SMAP2: variants seen among roughly 807,000 people sequenced by gnomAD.
SMAP2 encodes small ArfGAP2, also known as stromal membrane-associated protein 2.
Under a neutral mutation model 56.4 loss-of-function variants are expected in SMAP2, and 25 were observed. The observed-to-expected ratio is 0.44, with a 90% CI of 0.32 to 0.62. SMAP2 has a LOEUF of 0.62. Among genes scored for constraint, SMAP2 ranks in the 20% least tolerant of loss-of-function variants. The pLI is 0.04. For synonymous variants in SMAP2, 157 were observed against 181.7 expected, an observed-to-expected ratio of 0.86 and a Z score of 1.09; for missense variants, 388 against 545.6, an observed-to-expected ratio of 0.71 and a Z score of 2.88.
chr1:40,413,999 T>A (rs896807458), intron 5 of SMAP2, 160 bp from the exon 6 acceptor site: 1 of 631,136 alleles, frequency 1.6e-6, no homozygotes, highest in Non-Finnish European at 2.8e-6. Context: ...GCCTCCTGAC[T>A]TGATTCTTTC....
At chr1:40,407,129 G>C (rs976682372) in intron 2 of SMAP2, among the ~76,000 whole-genome samples, 2 of 152,114 alleles carry the variant, frequency 1.3e-5, no homozygotes, top group African/African-American at 4.8e-5. Flanking sequence ...AGTATTAAGA[G>C]GGATCTTTGG....
intron 1 of SMAP2, among the ~76,000 whole-genome samples, chr1:40,356,416 T>G (rs9725103): frequency 0.17 from 23,092 of 139,754 alleles, 1,935 homozygotes; most frequent in African/African-American, 0.31. Flanking sequence ...TTTTTTTTTG[T>G]TTTTTTTTTT....
chr1:40,378,683 G>A (rs1644564486), intron 1 of SMAP2, among the ~76,000 whole-genome samples: 1 of 152,106 alleles, frequency 6.6e-6, no homozygotes, highest in African/African-American at 2.4e-5. Context: ...AACACCACAT[G>A]AAATTCTAGA....
intron 9 of SMAP2, among the ~76,000 whole-genome samples, chr1:40,421,714 G>A (rs1020493216): frequency 6.6e-6 from 1 of 152,174 alleles, no homozygotes; most frequent in African/African-American, 2.4e-5. Flanking sequence ...CTGATTTTCT[G>A]TCGACTAGAT....
At chr1:40,356,725 T>G (rs1210080060) in intron 1 of SMAP2, among the ~76,000 whole-genome samples, 1 of 152,178 alleles carries the variant, frequency 6.6e-6, no homozygotes, top group Non-Finnish European at 1.5e-5. Context: ...TTTTAGTTTT[T>G]TGAGGAACCT....
chr1:40,388,891 G>A (rs972294482), intron 1 of SMAP2, among the ~76,000 whole-genome samples: 1 of 151,980 alleles, frequency 6.6e-6, no homozygotes, highest in African/African-American at 2.4e-5. Flanking sequence ...TGAAGCCAGC[G>A]AGACCACGAA....
chr1:40,393,318 A>G, intron 1 of SMAP2: 3 of 1,521,968 alleles, frequency 2.0e-6, no homozygotes, highest in Non-Finnish European at 2.6e-6. Context: ...TAGAAGAACA[A>G]ACAAAAAACC....
chr1:40,360,981 A>G (rs1047354673), intron 1 of SMAP2, among the ~76,000 whole-genome samples: 2 of 152,212 alleles, frequency 1.3e-5, no homozygotes, highest in Non-Finnish European at 2.9e-5. Flanking sequence ...GCCAGTGGAC[A>G]TGGGGGGCAC....
At chr1:40,350,560 T>A (rs1324922581) in intron 1 of SMAP2, among the ~76,000 whole-genome samples, 1 of 152,158 alleles carries the variant, frequency 6.6e-6, no homozygotes. Flanking sequence ...AAAACTGAAT[T>A]TGTCTGGTGA....
In SMAP2 at chr1:40,374,072, T is replaced by A. The variant is rs982965251; in HGVS notation, c.-49T>A. 6.8e-7 allele frequency: 1 copy of A among 1,464,534 alleles called. No individual in the cohort carries two copies. Among genetic ancestry groups the A allele is most frequent in the Admixed American group, 1.8e-5 (1 of 54,194 alleles). The allele number at this position is 1,464,534 out of a possible 1,614,324, so 90.7% of individuals were successfully genotyped here. A position where few individuals can be genotyped will look rare whatever the true frequency, so the allele number is the denominator to read the frequency against. On this transcript the variant is annotated 5_prime_UTR_variant, in exon 1 of 10. Transcript: ENST00000372718. This position sits in a 1 kb window ranked among gnomAD's most constrained non-coding sequence, Gnocchi z 5.9. ...AACCCCGGACTGAGGCAGGGGTCTCTGGGGGCGAGGAGGGCGCGTCGCCCT... is the reference window on the plus strand; with the variant it reads ...AACCCCGGACTGAGGCAGGGGTCTCAGGGGGCGAGGAGGGCGCGTCGCCCT...
chr1:40,393,394 G>T (rs115001112), intron 1 of SMAP2: 10 of 1,535,616 alleles, frequency 6.5e-6, no homozygotes, highest in African/African-American at 1.4e-5. Context: ...GTGGGAGTTG[G>T]AATAGGAAGG....
intron 1 of SMAP2, among the ~76,000 whole-genome samples, chr1:40,402,224 C>T (rs1644841601): frequency 6.6e-6 from 1 of 152,062 alleles, no homozygotes; most frequent in Non-Finnish European, 1.5e-5. Context: ...AATAGATGTA[C>T]ATGTTTTCAG....
At chr1:40,389,640 T>A (rs989217436) in intron 1 of SMAP2, among the ~76,000 whole-genome samples, 2 of 152,224 alleles carry the variant, frequency 1.3e-5, no homozygotes, top group African/African-American at 4.8e-5. Flanking sequence ...GAGCTAGACA[T>A]GAAGCGAATC....
At chr1:40,371,640 G>A (rs1557825490), upstream of SMAP2, among the ~76,000 whole-genome samples, 1 of 152,192 alleles carries the variant, frequency 6.6e-6, no homozygotes, top group Non-Finnish European at 1.5e-5. Context: ...AAATGCTTCA[G>A]AGACAAAGTA....
chr1:40,364,554 G>A (rs1644473906), intron 2 of SMAP2, among the ~76,000 whole-genome samples: 1 of 152,106 alleles, frequency 6.6e-6, no homozygotes. Flanking sequence ...ACCAACCTGG[G>A]CAACATGGTG....
At position 40,415,289 on chromosome 1, in the gene SMAP2, T is replaced by C; in HGVS notation, c.589T>C (p.Ser197Pro). The C allele has an allele frequency of 6.2e-7, 1 of 1,613,772 alleles. No individual in the cohort carries two copies. The highest frequency in any genetic ancestry group is 2.2e-5 in the East Asian group (1 of 44,890). Residue 197 changes from serine to proline, a missense_variant, in exon 7 of 10, where the codon TCC becomes CCC. Transcript: ENST00000372718. Reference sequence around the variant, plus strand: ...CTTTCTAGATGCTCCTGTGGCCTGCTCCATTGCAAATAGTAAGACCAGCAA... The same window carrying C: ...CTTTCTAGATGCTCCTGTGGCCTGCCCCATTGCAAATAGTAAGACCAGCAA... ...LLGLDAPVAC[S>P]IANSKTSNTL...
chr1:40,391,178 G>A (rs984236020), intron 1 of SMAP2, among the ~76,000 whole-genome samples: 38 of 152,248 alleles, frequency 2.5e-4, no homozygotes, highest in African/African-American at 8.9e-4. Flanking sequence ...CGTTTCTGTT[G>A]GGAGCCATTG....
intron 1 of SMAP2, among the ~76,000 whole-genome samples, chr1:40,345,873 G>T (rs148641215): frequency 2.0e-5 from 2 of 102,304 alleles, no homozygotes; most frequent in African/African-American, 4.8e-5. Flanking sequence ...ATATTATATT[G>T]TATTATATTG....
At position 40,400,235 on chromosome 1, in the gene SMAP2, C is replaced by T. The variant is rs76810861; in HGVS notation, c.104-6501C>T. 8.8e-3 allele frequency among the ~76,000 whole-genome samples: 1,337 copies of T among 152,262 alleles called. 14 individuals are homozygous for T. The highest frequency in any genetic ancestry group is 0.03 in the African/African-American group (1,257 of 41,526). On this transcript the variant is annotated intron_variant, in intron 1 of 9. Coordinates refer to ENST00000372718, the MANE Select transcript of SMAP2 (RefSeq NM_022733.3). Reference sequence around the variant, plus strand: ...TTGAGGAAATGAAAGAAGGCTGCTACCATAGGAATTGAGAGGCTGCGGAAG... The same window carrying T: ...TTGAGGAAATGAAAGAAGGCTGCTATCATAGGAATTGAGAGGCTGCGGAAG...
Sources: gnomAD v4.1 joint callset for allele counts (sites outside exome capture counted in the v4.1 genomes callset) on GRCh38, gnomAD v4.1.1 for gene constraint, Gnocchi (gnomAD v3.1) non-coding constraint, MANE v1.5 for transcripts, NCBI Gene and HGNC (gene_info 2026-07-23, HGNC 2026-07-21) for gene names.